NIPSNAP1: variants seen among roughly 807,000 people sequenced by gnomAD.
The protein encoded by NIPSNAP1 is protein NipSnap homolog 1.
In NIPSNAP1, 25 loss-of-function variants were observed where a neutral mutation model predicts 49.2. The observed-to-expected ratio is 0.51, with a 90% confidence interval of 0.37 to 0.71. NIPSNAP1 has a LOEUF of 0.71. Ranked by LOEUF, NIPSNAP1 falls within the 30% of genes least tolerant of loss-of-function variation. The pLI is 0.00. For synonymous variants in NIPSNAP1, 143 were observed against 140.7 expected (o/e 1.02, Z -0.12); for missense variants, 294 against 361.0 (o/e 0.81, Z 1.50).
intron 4 of NIPSNAP1, chr22:29,564,219 T>A: frequency 2.4e-6 from 1 of 421,870 alleles, no homozygotes; most frequent in South Asian, 1.8e-5. Context: ...CCCATCCCCA[T>A]CCCCAGCCTG....
chr22:29,567,952 A>G (rs115328804), intron 4 of NIPSNAP1, among the ~76,000 whole-genome samples: 1,838 of 150,780 alleles, frequency 0.012, 32 homozygotes, highest in African/African-American at 0.042. Flanking sequence ...CCGAGGAGGT[A>G]GGATCATTTG....
chr22:29,576,013 C>CTTTTTTT (rs35741168), intron 1 of NIPSNAP1, among the ~76,000 whole-genome samples: 1 of 138,458 alleles, frequency 7.2e-6, no homozygotes, highest in Non-Finnish European at 1.5e-5. Context: ...CACACTTGGC[C>CTTTTTTT]TTTTTTTTTT....
chr22:29,574,526 C>T (rs2064437027), intron 1 of NIPSNAP1, among the ~76,000 whole-genome samples: 1 of 152,000 alleles, frequency 6.6e-6, no homozygotes, highest in African/African-American at 2.4e-5. Context: ...TGCCTGTAAT[C>T]CCAGCACTTT....
chr22:29,572,963 G>A (rs1440938846), intron 1 of NIPSNAP1, among the ~76,000 whole-genome samples: 3 of 149,918 alleles, frequency 2.0e-5, no homozygotes, highest in Non-Finnish European at 4.5e-5. Context: ...CTGGGTGACA[G>A]AGACCATGTC....
chr22:29,559,494 A>G (rs2064319120), intron 8 of NIPSNAP1, among the ~76,000 whole-genome samples: 1 of 151,984 alleles, frequency 6.6e-6, no homozygotes, highest in Non-Finnish European at 1.5e-5. Flanking sequence ...CTGAGATCAC[A>G]CTACTGCACT....
At chr22:29,574,281 A>ATAG (rs1418475599) in intron 1 of NIPSNAP1, among the ~76,000 whole-genome samples, 1 of 148,368 alleles carries the variant, frequency 6.7e-6, no homozygotes, top group Non-Finnish European at 1.5e-5. Flanking sequence ...AAAAAAAAAA[A>ATAG]AAAAAAAAAA....
chr22:29,563,159 G>A (rs867088), intron 4 of NIPSNAP1, among the ~76,000 whole-genome samples: 36,460 of 151,462 alleles, frequency 0.24, 4,502 homozygotes, highest in Non-Finnish European at 0.28. Context: ...CCAGTTACTC[G>A]GGAGGCTGAG....
intron 6 of NIPSNAP1, 66 bp from the exon 7 acceptor site, chr22:29,561,268 G>C (rs2064333470): frequency 6.3e-7 from 1 of 1,589,966 alleles, no homozygotes; most frequent in Non-Finnish European, 8.6e-7. Context: ...TCACAGCTTG[G>C]CAAGGAAGGG....
At chr22:29,564,678 T>G (rs1487644203) in intron 4 of NIPSNAP1, among the ~76,000 whole-genome samples, 1 of 151,926 alleles carries the variant, frequency 6.6e-6, no homozygotes, top group African/African-American at 2.4e-5. Flanking sequence ...CCTCCCAAAG[T>G]GCTGGGATAC....
At chr22:29,571,199 A>C (rs1418002456) in intron 1 of NIPSNAP1, among the ~76,000 whole-genome samples, 1 of 152,056 alleles carries the variant, frequency 6.6e-6, no homozygotes, top group Non-Finnish European at 1.5e-5. Context: ...CTTGGGACAC[A>C]ATTATAGGAG....
intron 4 of NIPSNAP1, 33 bp downstream of exon 4, chr22:29,569,160 G>C: frequency 1.3e-6 from 2 of 1,579,858 alleles, no homozygotes. Context: ...GGGCTGGGCA[G>C]TGGCAATGGC....
chr22:29,563,319 C>T (rs2064349108), intron 4 of NIPSNAP1, among the ~76,000 whole-genome samples: 1 of 151,486 alleles, frequency 6.6e-6, no homozygotes, highest in African/African-American at 2.4e-5. Flanking sequence ...CATCTGAAGT[C>T]GGAAATTTGA....
chr22:29,569,178 A>G lies in NIPSNAP1; in HGVS notation c.367+15T>C, dbSNP rs1050476983. 1.2e-6 allele frequency: 2 copies of G among 1,610,660 alleles called. No homozygotes were observed. The highest frequency in any genetic ancestry group is 1.7e-5 in the Admixed American group (1 of 59,926). ...CTGGGCAGTGGCAATGGCACTAGGG[A>G]GGTGAGCGCCTTACCTGCCTGGTCC... On this transcript the variant is annotated intron_variant, in intron 4 of 9. Transcript: ENST00000216121.
intron 1 of NIPSNAP1, among the ~76,000 whole-genome samples, chr22:29,576,197 T>G (rs2064451082): frequency 6.6e-6 from 1 of 150,430 alleles, no homozygotes; most frequent in Non-Finnish European, 1.5e-5. Flanking sequence ...TTTTGTATGT[T>G]TTAGTAGAGA....
chr22:29,564,348 A>G (rs1170804628), intron 4 of NIPSNAP1: 2 of 471,070 alleles, frequency 4.2e-6, no homozygotes. Context: ...GTATGGATAG[A>G]AATCTACCAA....
chr22:29,570,618 A>G, intron 1 of NIPSNAP1, 86 bp from the exon 2 acceptor site: 1 of 1,527,352 alleles, frequency 6.5e-7, no homozygotes, highest in Non-Finnish European at 8.9e-7. Flanking sequence ...GCTCCCCTAG[A>G]CCAGTGACCC....
chr22:29,561,438 G>A, intron 6 of NIPSNAP1, 68 bp downstream of exon 6: 1 of 1,604,798 alleles, frequency 6.2e-7, no homozygotes, highest in Non-Finnish European at 8.5e-7. Context: ...TAGGTGTTGG[G>A]GCAGCTGCAA....
At chr22:29,561,235 GC>G (rs1255026880) in intron 6 of NIPSNAP1, 33 bp from the exon 7 acceptor site, 1 of 1,611,388 alleles carries the variant, frequency 6.2e-7, no homozygotes, top group Non-Finnish European at 8.5e-7. Context: ...ATGGGAATGA[GC>G]CCCCACCTCA....
Position 29,561,639 on chromosome 22 carries a change from A to T in NIPSNAP1, c.446T>A (p.Leu149Gln). 1 of 1,614,010 alleles carries T rather than the reference A, an allele frequency of 6.2e-7. No homozygotes were observed. Among genetic ancestry groups the T allele is most frequent in the Non-Finnish European group, 8.5e-7 (1 of 1,180,012 alleles). Reference sequence around the variant, plus strand: ...CTGGCTCCGCTCCCTTCGGAACTCCAGGTACTCCTGTGGGCATGGTGGTAA... The same window carrying T: ...CTGGCTCCGCTCCCTTCGGAACTCCTGGTACTCCTGTGGGCATGGTGGTAA... ...MNKLKNNKEY[L>Q]EFRRERSQML... Residue 149 changes from leucine to glutamine, a missense_variant, in exon 6 of 10, where the codon CTG (leucine) becomes CAG (glutamine). Around this residue, in one of 4 missense-constraint regions of NIPSNAP1, gnomAD observed 146 missense variants for 219.9 expected, o/e 0.66. Transcript: ENST00000216121.
Sources: gnomAD v4.1 joint callset for allele counts (sites outside exome capture counted in the v4.1 genomes callset) on GRCh38, gnomAD v4.1.1 for gene constraint, gnomAD v4.1.1 regional missense constraint, MANE v1.5 for transcripts, NCBI Gene and HGNC (gene_info 2026-07-23, HGNC 2026-07-21) for gene names.